The following PCDHA9 variants were observed in gnomAD, a reference collection of about 807,000 sequenced individuals.
PCDHA9 encodes protocadherin alpha 9.
In PCDHA9, 62 loss-of-function variants were observed where a neutral mutation model predicts 62.0. That is an observed-to-expected ratio of 1.00 (90% CI 0.81 to 1.23). The LOEUF is 1.23. Among genes scored for constraint, PCDHA9 ranks in the 50% most tolerant of loss-of-function variants. The probability of loss-of-function intolerance (pLI) is 0.00; values close to 1 mark genes in which losing one functional copy is unlikely to be tolerated. For missense variants in PCDHA9, 1,205 were observed against 1,249.8 expected (o/e 0.96, Z 0.54); for synonymous variants, 557 against 567.6 (o/e 0.98, Z 0.27).
In PCDHA9 at chr5:140,971,961, T is replaced by C. The variant is rs1412814726; in HGVS notation, c.2395-6988T>C. ...TGTATCCATCTGACTCCAAAAACTT[T>C]TTTTCAATACTATGAGTAGACAGAA... On this transcript the variant is annotated intron_variant, in intron 1 of 3. Transcript: ENST00000532602. 2.0e-5 allele frequency among the ~76,000 whole-genome samples: 3 copies of C among 152,144 alleles called. No homozygotes were observed. The East Asian group carries it at 5.8e-4, about 29-fold the overall frequency.
intron 1 of PCDHA9, among the ~76,000 whole-genome samples, chr5:140,916,213 T>A (rs2077480691): frequency 6.6e-6 from 1 of 152,134 alleles, no homozygotes; most frequent in Non-Finnish European, 1.5e-5. Context: ...CTGGGGAAGA[T>A]CCAAATATGC....
intron 1 of PCDHA9, chr5:140,966,502 G>GGCAGCA (rs2096011406): frequency 6.9e-6 from 3 of 433,776 alleles, no homozygotes; most frequent in Non-Finnish European, 1.2e-5. Context: ...GAGCTGTAGC[G>GGCAGCA]GCAGCAGCAG....
intron 1 of PCDHA9, among the ~76,000 whole-genome samples, chr5:140,890,820 G>T (rs945332484): frequency 1.3e-5 from 2 of 152,080 alleles, no homozygotes; most frequent in East Asian, 3.9e-4. Flanking sequence ...TGTTTTAAAT[G>T]TACTTACATA....
intron 3 of PCDHA9, among the ~76,000 whole-genome samples, chr5:141,002,107 C>T (rs991036721): frequency 6.6e-6 from 1 of 152,246 alleles, no homozygotes. Context: ...GGGCCGGAAA[C>T]GGCTATAATC....
chr5:140,922,883 T>G (rs963654982), intron 1 of PCDHA9, among the ~76,000 whole-genome samples: 2 of 152,134 alleles, frequency 1.3e-5, no homozygotes, highest in African/African-American at 2.4e-5. Flanking sequence ...TCCAAAGACA[T>G]CATTCAAGAA....
chr5:140,972,287 G>T (rs2096528818), intron 1 of PCDHA9, among the ~76,000 whole-genome samples: 1 of 151,036 alleles, frequency 6.6e-6, no homozygotes, highest in Non-Finnish European at 1.5e-5. Flanking sequence ...CCATAGATGT[G>T]CGCCACCGTG....
Position 140,903,378 on chromosome 5 carries a change from G to T in PCDHA9, c.2394+52489G>T, listed in dbSNP as rs938741904. Among the ~76,000 whole-genome samples, 3 of 152,196 alleles carry T rather than the reference G, an allele frequency of 2.0e-5. No homozygotes were observed. In the South Asian group the frequency reaches 6.2e-4, roughly 32 times the overall value. On this transcript the variant is annotated intron_variant, in intron 1 of 3. Coordinates refer to ENST00000532602, the MANE Select transcript of PCDHA9 (RefSeq NM_031857.2). Reference sequence around the variant, plus strand: ...GTTTTTCAAAAATATAGGGAGGATTGTGGTTACTTCTAGAAACAGTAGTGC... The same window carrying T: ...GTTTTTCAAAAATATAGGGAGGATTTTGGTTACTTCTAGAAACAGTAGTGC...
chr5:140,871,160 C>A, intron 1 of PCDHA9: 1 of 1,613,470 alleles, frequency 6.2e-7, no homozygotes, highest in Non-Finnish European at 8.5e-7. Context: ...GCGGGCGCCG[C>A]GAGCCCAGAG....
chr5:140,885,556 G>A (rs1317413722), intron 1 of PCDHA9, among the ~76,000 whole-genome samples: 22 of 152,018 alleles, frequency 1.4e-4, no homozygotes, highest in African/African-American at 5.3e-4. Flanking sequence ...TTATTTCTAC[G>A]AAATTGATTG....
intron 1 of PCDHA9, chr5:140,870,842 T>G (rs781830221): frequency 6.2e-7 from 1 of 1,613,798 alleles, no homozygotes; most frequent in Non-Finnish European, 8.5e-7. Flanking sequence ...AACAAGCTAG[T>G]ACCGCGGTCG....
At position 140,990,539 on chromosome 5, in the gene PCDHA9, A is replaced by G. The variant is rs2097398985; in HGVS notation, c.2542+7976A>G. ...TGTCTTTTTTGACTGTGCATCATAG[A>G]TACTGTATTACCCAAGAACACACAC... is the stretch of plus-strand genomic sequence containing the variant. On this transcript the variant is annotated intron_variant, in intron 3 of 3. Transcript: ENST00000532602. Among the ~76,000 whole-genome samples the G allele has an allele frequency of 2.6e-5, 4 of 152,262 alleles. No homozygotes were observed. In the South Asian group the frequency reaches 6.2e-4, roughly 24 times the overall value.
chr5:140,880,419 G>A (rs1554171271), intron 1 of PCDHA9, among the ~76,000 whole-genome samples: 2 of 152,106 alleles, frequency 1.3e-5, no homozygotes, highest in Non-Finnish European at 2.9e-5. Context: ...TTAAAAGCGG[G>A]AACAGTTTTT....
chr5:140,869,219 C>A (rs543814850), intron 1 of PCDHA9: 1 of 1,613,836 alleles, frequency 6.2e-7, no homozygotes, highest in African/African-American at 1.3e-5. Context: ...TCGGAGGAGG[C>A]CAAACACGGC....
In PCDHA9 at chr5:140,871,640, A is replaced by T; in HGVS notation, c.2394+20751A>T. 6 of 1,294,228 alleles carry T rather than the reference A, an allele frequency of 4.6e-6. No homozygotes were observed. The South Asian group carries it at 9.7e-5, about 21-fold the overall frequency. 80.2% of individuals were successfully genotyped at this position (1,294,228 alleles called of 1,614,324 possible). A position where few individuals can be genotyped will look rare whatever the true frequency, so the allele number is the denominator to read the frequency against. On this transcript the variant is annotated intron_variant, in intron 1 of 3. Transcript: ENST00000532602. The stretch of plus-strand genomic sequence containing the variant: ...TTAGATAACAATGTCTGTTCATAAA[A>T]TACCAAATGATACACATCTTCAGTC...
At position 140,978,970 on chromosome 5, in the gene PCDHA9, T is replaced by A; in HGVS notation, c.2416T>A (p.Trp806Arg). The change falls in exon 2 of 4, where the codon TGG (tryptophan) becomes AGG (arginine). Residue 806 changes from tryptophan to arginine, a missense_variant. Coordinates refer to ENST00000532602, the MANE Select transcript of PCDHA9 (RefSeq NM_031857.2). ...TGKPRQPNPD[W>R]RYSASLRAGM... is the part of the protein sequence containing the mutation. Reference sequence around the variant, plus strand: ...GCAGCCACGACAGCCCAACCCTGACTGGCGTTACTCTGCCTCCCTGAGAGC... The same window carrying A: ...GCAGCCACGACAGCCCAACCCTGACAGGCGTTACTCTGCCTCCCTGAGAGC... 6.2e-7 allele frequency: 1 copy of A among 1,614,216 alleles called. No homozygotes were observed. Among genetic ancestry groups the A allele is most frequent in the Admixed American group, 1.7e-5 (1 of 60,030 alleles).
In PCDHA9 at chr5:140,856,006, T is replaced by C. The variant is rs782149074; in HGVS notation, c.2394+5117T>C. ...AAAATGTCAGATCGTATGTGCGTTC[T>C]AGACCGCTGATTCGTCGATTTGTAA... is the stretch of plus-strand genomic sequence containing the variant. On this transcript the variant is annotated intron_variant, in intron 1 of 3. Coordinates refer to ENST00000532602, the MANE Select transcript of PCDHA9 (RefSeq NM_031857.2). The C allele has an allele frequency of 9.1e-6, 14 of 1,540,444 alleles. No individual in the cohort carries two copies. The African/African-American group carries it at 1.4e-4, about 15-fold the overall frequency.
intron 1 of PCDHA9, among the ~76,000 whole-genome samples, chr5:140,972,866 G>A (rs1010114234): frequency 6.6e-6 from 1 of 152,046 alleles, no homozygotes; most frequent in Non-Finnish European, 1.5e-5. Context: ...GTTTCATCAT[G>A]TTGTCCAGGA....
In PCDHA9 at chr5:141,009,805, A is replaced by G. The variant is rs1358613672; in HGVS notation, c.2721A>G (p.Gln907=). The change falls in exon 4 of 4, where the codon CAA becomes CAG. Residue 907 remains glutamine, a synonymous_variant. Transcript: ENST00000532602. ...ISIRQEPTNS[Q]IDKSDFITFG... ...TCCGGCAGGAGCCTACTAACAGCCAAATTGACAAAAGTGACTTCATAACCT... is the reference window on the plus strand; with the variant it reads ...TCCGGCAGGAGCCTACTAACAGCCAGATTGACAAAAGTGACTTCATAACCT... The G allele has an allele frequency of 3.1e-6, 5 of 1,613,974 alleles. No homozygotes were observed. Among genetic ancestry groups the G allele is most frequent in the African/African-American group, 1.3e-5 (1 of 74,898 alleles).
chr5:141,001,229 A>G (rs1055246744), intron 3 of PCDHA9, among the ~76,000 whole-genome samples: 41 of 152,314 alleles, frequency 2.7e-4, no homozygotes, highest in African/African-American at 9.1e-4. Flanking sequence ...AGTTACATTT[A>G]ATCTATAAAT....
Sources: gnomAD v4.1 joint callset for allele counts (sites outside exome capture counted in the v4.1 genomes callset) on GRCh38, gnomAD v4.1.1 for gene constraint, MANE v1.5 for transcripts, NCBI Gene and HGNC (gene_info 2026-07-23, HGNC 2026-07-21) for gene names.